PDCD2L: variants seen among roughly 807,000 people sequenced by gnomAD.
The protein encoded by PDCD2L is programmed cell death 2 like.
A neutral mutation model predicts 40.4 loss-of-function variants in PDCD2L; 44 were observed. The observed-to-expected ratio is 1.09, with a 90% CI of 0.86 to 1.40. The LOEUF (loss-of-function observed/expected upper bound fraction) is 1.40. Among genes scored for constraint, PDCD2L ranks in the 40% most tolerant of loss-of-function variants. The pLI is 0.00. For missense variants in PDCD2L, 470 were observed against 453.7 expected (o/e 1.04, Z -0.33); for synonymous variants, 194 against 174.6 (o/e 1.11, Z -0.88).
chr19:34,419,584 T>C (rs542745634), intron 5 of PDCD2L, among the ~76,000 whole-genome samples: 2 of 151,522 alleles, frequency 1.3e-5, no homozygotes, highest in South Asian at 4.2e-4. Flanking sequence ...TTCCCTCACC[T>C]CAGCCTCTCA....
At chr19:34,408,856 T>C (rs2075088758) in intron 3 of PDCD2L, among the ~76,000 whole-genome samples, 1 of 152,208 alleles carries the variant, frequency 6.6e-6, no homozygotes, top group African/African-American at 2.4e-5. Context: ...CTGGGAAAGG[T>C]AGTTCTTTCT....
At chr19:34,423,778 C>T (rs2075163908) in intron 6 of PDCD2L, among the ~76,000 whole-genome samples, 1 of 152,144 alleles carries the variant, frequency 6.6e-6, no homozygotes, top group Non-Finnish European at 1.5e-5. Context: ...GCATGAGCCA[C>T]CGCGCCTGGC....
intron 4 of PDCD2L, among the ~76,000 whole-genome samples, chr19:34,411,083 G>A (rs936324426): frequency 6.7e-6 from 1 of 150,224 alleles, no homozygotes; most frequent in African/African-American, 2.4e-5. Flanking sequence ...GCGCCCGGCA[G>A]GATTTTTTAT....
intron 6 of PDCD2L, among the ~76,000 whole-genome samples, chr19:34,422,929 A>T (rs902096016): frequency 8.5e-5 from 13 of 152,100 alleles, no homozygotes; most frequent in Non-Finnish European, 1.2e-4. Context: ...TGTGTTAGCC[A>T]GGATGGTGTT....
intron 4 of PDCD2L, among the ~76,000 whole-genome samples, chr19:34,411,660 T>A (rs534478495): frequency 2.0e-5 from 3 of 151,998 alleles, no homozygotes; most frequent in African/African-American, 7.2e-5. Context: ...TTAAAAAAAT[T>A]TTTGGTTTTT....
intron 6 of PDCD2L, among the ~76,000 whole-genome samples, chr19:34,422,569 A>G (rs2075157026): frequency 6.6e-6 from 1 of 152,204 alleles, no homozygotes; most frequent in Non-Finnish European, 1.5e-5. Flanking sequence ...AGCAAGTCAG[A>G]TGAATGTATG....
chr19:34,413,721 C>A lies in PDCD2L; in HGVS notation c.687-16C>A. On this transcript the variant is annotated splice_polypyrimidine_tract_variant and intron_variant, in intron 4 of 6. Coordinates refer to ENST00000246535, the MANE Select transcript of PDCD2L (RefSeq NM_032346.2). ...GGATATAGACATTCAAAAGTGTTTTCTGCTTCTGTTTTTAGCCTTCCTAAT... is the reference window on the plus strand; with the variant it reads ...GGATATAGACATTCAAAAGTGTTTTATGCTTCTGTTTTTAGCCTTCCTAAT... 7.2e-7 allele frequency: 1 copy of A among 1,389,758 alleles called. No homozygotes were observed. Among genetic ancestry groups the A allele is most frequent in the Non-Finnish European group, 1.0e-6 (1 of 989,860 alleles). The allele number at this position is 1,389,758 out of a possible 1,614,324, so 86.1% of individuals were successfully genotyped here.
chr19:34,414,157 C>G (rs2075116790), intron 5 of PDCD2L, among the ~76,000 whole-genome samples: 1 of 151,832 alleles, frequency 6.6e-6, no homozygotes, highest in African/African-American at 2.4e-5. Context: ...TTCTCATAGC[C>G]TTTATTATTA....
At chr19:34,409,074 A>G in intron 3 of PDCD2L, 87 bp from the exon 4 acceptor site, 1 of 1,227,478 alleles carries the variant, frequency 8.1e-7, no homozygotes. Flanking sequence ...CTCCCTCTGG[A>G]AGGCGCGGCG....
chr19:34,409,756 G>A (rs1420583129), intron 4 of PDCD2L, among the ~76,000 whole-genome samples: 1 of 152,284 alleles, frequency 6.6e-6, no homozygotes, highest in Admixed American at 6.5e-5. Flanking sequence ...TATAGAAGAC[G>A]CGTTCACTGA....
rs1001264357 is a variant in PDCD2L at position 34,421,547 on chromosome 19, T to C, written c.826T>C (p.Leu276=). 1 of 1,613,998 alleles carries C rather than the reference T, an allele frequency of 6.2e-7. No homozygotes were observed. Among genetic ancestry groups the C allele is most frequent in the Non-Finnish European group, 8.5e-7 (1 of 1,180,004 alleles). Residue 276 remains leucine (L), a synonymous_variant, in exon 6 of 7, where the codon TTG becomes CTG. Transcript: ENST00000246535. ...TTCCTGGAGTGGAGAGCCACTCTTTTTGACCTGCCCTACATCAGAAGTCAC... is the reference window on the plus strand; with the variant it reads ...TTCCTGGAGTGGAGAGCCACTCTTTCTGACCTGCCCTACATCAGAAGTCAC... ...RYSWSGEPLF[L]TCPTSEVTEL...
intron 3 of PDCD2L, among the ~76,000 whole-genome samples, chr19:34,406,826 CTTTTTTTTT>C (rs35175132): frequency 7.8e-5 from 8 of 102,248 alleles, no homozygotes; most frequent in African/African-American, 3.0e-4. Context: ...TTCTTTCTTC[CTTTTTTTTT>C]TTTTTTTTTT....
chr19:34,404,681 C>T lies in PDCD2L; in HGVS notation c.141C>T (p.Pro47=), dbSNP rs944709737. The change falls in exon 2 of 7, where the codon CCC becomes CCT. Residue 47 remains proline (P), a synonymous_variant. Transcript: ENST00000246535. ...TGCCCACCGTGGCTGCGCCCAGGCCCGTGTGTCAGCGCTGCGGGCAGCCGC... is the reference window on the plus strand; with the variant it reads ...TGCCCACCGTGGCTGCGCCCAGGCCTGTGTGTCAGCGCTGCGGGCAGCCGC... ...DALPTVAAPR[P]VCQRCGQPLA... 1.9e-6 allele frequency: 3 copies of T among 1,611,890 alleles called. No individual in the cohort carries two copies. Among genetic ancestry groups the T allele is most frequent in the Admixed American group, 1.7e-5 (1 of 59,982 alleles).
chr19:34,407,067 C>T (rs1377369775), intron 3 of PDCD2L, among the ~76,000 whole-genome samples: 1 of 150,982 alleles, frequency 6.6e-6, no homozygotes, highest in African/African-American at 2.4e-5. Context: ...GAACTCCTGA[C>T]CTCAGGCAAC....
At chr19:34,419,398 G>A (rs184368375) in intron 5 of PDCD2L, among the ~76,000 whole-genome samples, 2 of 152,076 alleles carry the variant, frequency 1.3e-5, no homozygotes, top group African/African-American at 4.8e-5. Flanking sequence ...CAGGTGACCC[G>A]CCTGCCTTGG....
rs8109403 is a variant in PDCD2L, at chr19:34,419,455, A to C, written c.798-2064A>C. Among the ~76,000 whole-genome samples the C allele has an allele frequency of 4.0e-3, 592 of 149,740 alleles. 3 individuals are homozygous for C. Among genetic ancestry groups the C allele is most frequent in the African/African-American group, 0.014 (562 of 40,868 alleles). ...CAGGCATGAGCCACCGCACCCCACC[A>C]TGTTGGGTTAATTTTATTCTGTTAT... is the stretch of plus-strand genomic sequence containing the variant. On this transcript the variant is annotated intron_variant, in intron 5 of 6. Coordinates refer to ENST00000246535, the MANE Select transcript of PDCD2L (RefSeq NM_032346.2).
chr19:34,405,671 C>T (rs1364773558), intron 3 of PDCD2L, among the ~76,000 whole-genome samples: 6 of 150,432 alleles, frequency 4.0e-5, no homozygotes, highest in Non-Finnish European at 7.4e-5. Flanking sequence ...GAGGCCGAGG[C>T]GGGCGGATCT....
intron 6 of PDCD2L, among the ~76,000 whole-genome samples, chr19:34,425,365 A>G (rs1047217169): frequency 6.7e-6 from 1 of 149,620 alleles, no homozygotes; most frequent in Non-Finnish European, 1.5e-5. Flanking sequence ...CGGTGGTGCA[A>G]TCATAGCTTA....
chr19:34,408,985 C>A, intron 3 of PDCD2L, 176 bp from the exon 4 acceptor site: 1 of 602,328 alleles, frequency 1.7e-6, no homozygotes, highest in South Asian at 2.1e-5. Context: ...TTTTAAGTCA[C>A]CTCCAACGTG....
Sources: gnomAD v4.1 joint callset for allele counts (sites outside exome capture counted in the v4.1 genomes callset) on GRCh38, gnomAD v4.1.1 for gene constraint, MANE v1.5 for transcripts, NCBI Gene and HGNC (gene_info 2026-07-23, HGNC 2026-07-21) for gene names.